Variants in HRH1 observed in about 807,000 individuals in gnomAD.
The protein encoded by HRH1 is histamine receptor H1, also known as histamine H1 receptor.
In HRH1, 6 loss-of-function variants were observed where a neutral mutation model predicts 10.3. The ratio of observed to expected loss-of-function variants is 0.58; its 90% confidence interval spans 0.32 to 1.15. The LOEUF is 1.15. HRH1 is among the 50% of genes most tolerant of loss of function. The probability of loss-of-function intolerance (pLI) is 0.05; values close to 1 mark genes in which losing one functional copy is unlikely to be tolerated. For missense variants in HRH1, 514 were observed against 615.3 expected (o/e 0.84, Z 1.74); for synonymous variants, 242 against 236.7 (o/e 1.02, Z -0.21).
upstream of HRH1, among the ~76,000 whole-genome samples, chr3:11,153,541 T>TC (rs1238926584): frequency 4.4e-5 from 4 of 90,344 alleles, no homozygotes; most frequent in Admixed American, 1.4e-4. Context: ...TCAAACACCC[T>TC]CCTCTCCCTG....
chr3:11,249,907 C>T (rs1170489920), intron 1 of HRH1, among the ~76,000 whole-genome samples: 2 of 151,878 alleles, frequency 1.3e-5, no homozygotes, highest in East Asian at 1.9e-4. Flanking sequence ...CAGATCTCCA[C>T]AGGGTATAAC....
intron 1 of HRH1, among the ~76,000 whole-genome samples, chr3:11,156,557 C>A (rs1374878071): frequency 6.6e-6 from 1 of 152,212 alleles, no homozygotes; most frequent in Admixed American, 6.5e-5. Context: ...GATTCTGGAG[C>A]TCACCTGTTG....
At chr3:11,225,632 GA>G (rs555777628) in intron 1 of HRH1, among the ~76,000 whole-genome samples, 4 of 152,314 alleles carry the variant, frequency 2.6e-5, no homozygotes, top group Middle Eastern at 6.8e-3. Context: ...ACAGTCTAGT[GA>G]AAAAAGTCTG....
intron 1 of HRH1, among the ~76,000 whole-genome samples, chr3:11,231,558 T>C (rs1322110339): frequency 2.0e-5 from 3 of 152,236 alleles, no homozygotes; most frequent in Non-Finnish European, 4.4e-5. Context: ...TATCTCGTTG[T>C]GGTTTTGACT....
At chr3:11,179,653 G>A (rs73117677) in intron 1 of HRH1, among the ~76,000 whole-genome samples, 9,571 of 151,488 alleles carry the variant, frequency 0.063, 668 homozygotes, top group African/African-American at 0.17. Context: ...AAGTCAGCCA[G>A]AAGGATATCG....
intron 1 of HRH1, among the ~76,000 whole-genome samples, chr3:11,220,250 AG>A (rs1464480478): frequency 6.6e-6 from 1 of 152,186 alleles, no homozygotes; most frequent in Non-Finnish European, 1.5e-5. Flanking sequence ...CGTTCCAAAA[AG>A]AATTGGACCT....
At chr3:11,152,630 T>A (rs1213182764), upstream of HRH1, among the ~76,000 whole-genome samples, 1 of 19,118 alleles carries the variant, frequency 5.2e-5, no homozygotes, top group South Asian at 1.6e-3. Flanking sequence ...CCATCCCCCC[T>A]CCCACCTCCA....
intron 1 of HRH1, among the ~76,000 whole-genome samples, chr3:11,207,350 G>T (rs547225318): frequency 1.3e-5 from 2 of 152,162 alleles, no homozygotes; most frequent in Admixed American, 1.3e-4. Context: ...GGATCACGAG[G>T]TCAGGAGATC....
chr3:11,253,710 T>C (rs1939709952), intron 1 of HRH1, among the ~76,000 whole-genome samples: 1 of 152,170 alleles, frequency 6.6e-6, no homozygotes, highest in African/African-American at 2.4e-5. Context: ...GGGCTGGGAA[T>C]TATGTTCAGC....
chr3:11,188,394 G>C (rs965045245), intron 1 of HRH1, among the ~76,000 whole-genome samples: 5 of 152,122 alleles, frequency 3.3e-5, no homozygotes, highest in African/African-American at 9.7e-5. Context: ...TTGAAGCCTG[G>C]AGTTCGAGAC....
chr3:11,200,582 C>T (rs1190266046), intron 1 of HRH1, among the ~76,000 whole-genome samples: 1 of 152,196 alleles, frequency 6.6e-6, no homozygotes, highest in Non-Finnish European at 1.5e-5. Context: ...TCTCTTCCTG[C>T]AGCTTGTGAG....
rs1278270034 is a variant in HRH1, at chr3:11,263,069, A to T, written c.*2568A>T. 1 of 167,104 alleles carries T rather than the reference A, an allele frequency of 6.0e-6. No homozygotes were observed. Among genetic ancestry groups the T allele is most frequent in the African/African-American group, 2.4e-5 (1 of 41,460 alleles). 10.4% of individuals were successfully genotyped at this position (167,104 alleles called of 1,614,324 possible). On this transcript the variant is annotated 3_prime_UTR_variant, in exon 2 of 2. Transcript: ENST00000431010. ...GATTGAGGAACTGCTCCGAGGTCTG[A>T]TTCTGGAATGTGCTTCCTTTCCACT... is the stretch of plus-strand genomic sequence containing the variant.
chr3:11,231,994 AT>A (rs57276171), intron 1 of HRH1, among the ~76,000 whole-genome samples: 13,713 of 139,640 alleles, frequency 0.098, 637 homozygotes, highest in African/African-American at 0.11. Context: ...TTTTGAGTTA[AT>A]TTTTTTTTTT....
chr3:11,202,262 G>A (rs988208693), intron 1 of HRH1, among the ~76,000 whole-genome samples: 23 of 151,878 alleles, frequency 1.5e-4, no homozygotes, highest in African/African-American at 3.4e-4. Flanking sequence ...AAATTGGCCC[G>A]GTGTGGTGGT....
At chr3:11,201,558 C>G (rs1392109118) in intron 1 of HRH1, among the ~76,000 whole-genome samples, 1 of 152,086 alleles carries the variant, frequency 6.6e-6, no homozygotes, top group Non-Finnish European at 1.5e-5. Context: ...CAGTGGGGAT[C>G]AGAGTGAGGG....
At chr3:11,195,166 T>C (rs1188347613) in intron 1 of HRH1, among the ~76,000 whole-genome samples, 5 of 152,200 alleles carry the variant, frequency 3.3e-5, no homozygotes, top group Non-Finnish European at 7.3e-5. Context: ...ACATTTTCCT[T>C]TTAAGCAGTA....
chr3:11,157,808 G>C (rs1936844414), intron 1 of HRH1, among the ~76,000 whole-genome samples: 1 of 152,364 alleles, frequency 6.6e-6, no homozygotes, highest in Non-Finnish European at 1.5e-5. Flanking sequence ...CATCCCAACA[G>C]AGGAATGAGC....
intron 1 of HRH1, among the ~76,000 whole-genome samples, chr3:11,177,819 G>C (rs1485887875): frequency 6.6e-6 from 1 of 152,240 alleles, no homozygotes; most frequent in East Asian, 1.9e-4. Context: ...GAGTGACTAA[G>C]TGGAGCAGGT....
chr3:11,169,653 G>A (rs776971388), intron 1 of HRH1, among the ~76,000 whole-genome samples: 4 of 152,068 alleles, frequency 2.6e-5, no homozygotes, highest in Non-Finnish European at 5.9e-5. Flanking sequence ...AGAAATCCTC[G>A]TCCGTTGACC....
Sources: allele counts gnomAD v4.1 joint callset (sites outside exome capture counted in the v4.1 genomes callset), GRCh38; gene constraint gnomAD v4.1.1; transcripts MANE v1.5; gene names NCBI Gene and HGNC (gene_info 2026-07-23, HGNC 2026-07-21).